ZFHX3: variants seen among roughly 807,000 people sequenced by gnomAD.
ZFHX3 encodes the protein zinc finger homeobox 3, also known as zinc finger homeobox protein 3.
ZFHX3 carries 42 observed loss-of-function variants against 279.1 expected under a neutral mutation model. The observed-to-expected ratio is 0.15, with a 90% CI of 0.12 to 0.19. The LOEUF is 0.19. Ranked by LOEUF, ZFHX3 falls within the 10% of genes least tolerant of loss-of-function variation. The pLI is 1.00. For missense variants in ZFHX3, 4,981 were observed against 4,754.0 expected, an observed-to-expected ratio of 1.05 and a Z score of -1.40; for synonymous variants, 2,293 against 1,957.8, an observed-to-expected ratio of 1.17 and a Z score of -4.52.
rs912958113 is a variant in ZFHX3 at position 73,674,948 on chromosome 16, C to A, written c.-1547+5232G>T. 3.9e-5 allele frequency among the ~76,000 whole-genome samples: 6 copies of A among 152,240 alleles called. No individual in the cohort carries two copies. In the South Asian group the frequency reaches 6.2e-4, roughly 16 times the overall value. On this transcript the variant is annotated intron_variant, in intron 2 of 17. Coordinates refer to the ZFHX3 transcript ENST00000641206. ...CAAATTACTGGCCTACAGCACCATGCATGTCCTAATAAATGATTGCTGTTA... is the reference window on the plus strand; with the variant it reads ...CAAATTACTGGCCTACAGCACCATGAATGTCCTAATAAATGATTGCTGTTA...
At chr16:73,533,160 G>T (rs1167371574) in intron 2 of ZFHX3, among the ~76,000 whole-genome samples, 1 of 151,888 alleles carries the variant, frequency 6.6e-6, no homozygotes, top group Non-Finnish European at 1.5e-5. Context: ...AAGTGACTAT[G>T]ACATTTTCTC....
chr16:72,815,205 C>T (rs997559244), intron 5 of ZFHX3, among the ~76,000 whole-genome samples: 4 of 152,080 alleles, frequency 2.6e-5, no homozygotes, highest in Admixed American at 6.6e-5. Context: ...CCCAGGAGTT[C>T]AAGACCAGCC....
chr16:73,298,366 T>C (rs1459584920), intron 4 of ZFHX3, among the ~76,000 whole-genome samples: 2 of 152,058 alleles, frequency 1.3e-5, no homozygotes, highest in Non-Finnish European at 2.9e-5. Flanking sequence ...GTATTTTTAG[T>C]AGAGATGGGG....
chr16:73,026,673 C>CA (rs10561679), intron 1 of ZFHX3, among the ~76,000 whole-genome samples: 7,498 of 79,520 alleles, frequency 0.094, 535 homozygotes, highest in South Asian at 0.13. Context: ...AAAACTGCCT[C>CA]AAAAAAAAAA....
At chr16:72,846,862 G>A (rs1031321001) in intron 4 of ZFHX3, among the ~76,000 whole-genome samples, 1 of 152,208 alleles carries the variant, frequency 6.6e-6, no homozygotes, top group Non-Finnish European at 1.5e-5. Context: ...CACAAAGAGG[G>A]GAAGCGGACC....
chr16:73,132,646 C>T (rs112772424), intron 6 of ZFHX3, among the ~76,000 whole-genome samples: 87 of 152,250 alleles, frequency 5.7e-4, no homozygotes, highest in African/African-American at 2.0e-3. Context: ...AGCATCCCGG[C>T]CGTTTCTTAC....
chr16:73,853,219 T>C (rs1244776637), intron 1 of ZFHX3, among the ~76,000 whole-genome samples: 1 of 152,168 alleles, frequency 6.6e-6, no homozygotes, highest in African/African-American at 2.4e-5. Flanking sequence ...ACTTACACAT[T>C]GTTGGTGGGA....
intron 3 of ZFHX3, among the ~76,000 whole-genome samples, chr16:73,403,956 A>ATT (rs1327652264): frequency 4.7e-4 from 72 of 151,860 alleles, no homozygotes; most frequent in African/African-American, 1.6e-3. Context: ...TTTTTTTTCC[A>ATT]GGCGAAAATG....
At chr16:73,358,000 G>T (rs1366231546) in intron 3 of ZFHX3, among the ~76,000 whole-genome samples, 2 of 152,198 alleles carry the variant, frequency 1.3e-5, no homozygotes, top group Non-Finnish European at 2.9e-5. Flanking sequence ...GGAGCATCTT[G>T]CTGCTCCGTG....
intron 3 of ZFHX3, among the ~76,000 whole-genome samples, chr16:73,325,174 C>T (rs2015656776): frequency 2.0e-5 from 3 of 152,062 alleles, no homozygotes; most frequent in African/African-American, 7.2e-5. Flanking sequence ...GTAGCTCAGT[C>T]CAGGATGGTG....
intron 2 of ZFHX3, among the ~76,000 whole-genome samples, chr16:73,673,004 G>A (rs1334145400): frequency 1.3e-5 from 2 of 152,058 alleles, no homozygotes; most frequent in African/African-American, 4.8e-5. Context: ...AATGGATCTT[G>A]GAAACATCAT....
intron 3 of ZFHX3, among the ~76,000 whole-genome samples, chr16:72,933,809 C>CTTTTTTTTTT (rs1408711216): frequency 8.7e-6 from 1 of 114,670 alleles, no homozygotes; most frequent in Non-Finnish European, 2.0e-5. Context: ...TAGCTCACAA[C>CTTTTTTTTTT]TTTCTTTTTT....
chr16:73,285,781 T>G (rs1445966913), intron 4 of ZFHX3, among the ~76,000 whole-genome samples: 1 of 152,192 alleles, frequency 6.6e-6, no homozygotes, highest in Non-Finnish European at 1.5e-5. Flanking sequence ...AAATAAGTAT[T>G]GTAAAGTTGG....
rs1444891492 is a variant in ZFHX3 at position 73,602,965 on chromosome 16, G to T, written c.-1547+77215C>A. Reference sequence around the variant, plus strand: ...AAAAAAAAAAAATCACCATCTGATAGCCTTAAGATATCCTGCAAGTCAATA... The same window carrying T: ...AAAAAAAAAAAATCACCATCTGATATCCTTAAGATATCCTGCAAGTCAATA... On this transcript the variant is annotated intron_variant, in intron 2 of 17. Coordinates refer to the ZFHX3 transcript ENST00000641206. 7.7e-5 allele frequency among the ~76,000 whole-genome samples: 11 copies of T among 142,132 alleles called. 1 individual carries two copies. In the East Asian group the frequency reaches 2.2e-3, roughly 29 times the overall value. The allele number at this position is 142,132 out of a possible 152,430, so 93.2% of individuals were successfully genotyped here.
chr16:73,101,535 C>G (rs188381599), intron 7 of ZFHX3, among the ~76,000 whole-genome samples: 8 of 152,136 alleles, frequency 5.3e-5, no homozygotes, highest in Admixed American at 2.0e-4. Context: ...AGCGCCACCA[C>G]GCCCAGCTAA....
intron 7 of ZFHX3, among the ~76,000 whole-genome samples, chr16:73,121,975 C>G (rs1966505070): frequency 6.6e-6 from 1 of 152,226 alleles, no homozygotes; most frequent in Middle Eastern, 3.4e-3. Flanking sequence ...TTGCTCCAAC[C>G]TATTCATATT....
chr16:72,806,275 A>T (rs1483685481), intron 7 of ZFHX3, among the ~76,000 whole-genome samples: 2 of 152,234 alleles, frequency 1.3e-5, no homozygotes, highest in Admixed American at 6.5e-5. Flanking sequence ...AAACAAATGT[A>T]GCTCAGAACC....
At chr16:72,989,038 T>C (rs908452274) in intron 1 of ZFHX3, among the ~76,000 whole-genome samples, 2 of 151,978 alleles carry the variant, frequency 1.3e-5, no homozygotes, top group Non-Finnish European at 2.9e-5. Flanking sequence ...TAGTAGGAAG[T>C]GGTGGTGCAC....
intron 1 of ZFHX3, among the ~76,000 whole-genome samples, chr16:72,996,704 G>A (rs903207102): frequency 1.3e-5 from 2 of 152,244 alleles, no homozygotes; most frequent in African/African-American, 4.8e-5. Context: ...CAACCACGGA[G>A]TTCTGGCAGT....
Sources: allele counts gnomAD v4.1 joint callset (sites outside exome capture counted in the v4.1 genomes callset), GRCh38; gene constraint gnomAD v4.1.1; transcripts MANE v1.5; gene names NCBI Gene and HGNC (gene_info 2026-07-23, HGNC 2026-07-21).